SOX6: variants seen among roughly 807,000 people sequenced by gnomAD.
SOX6 encodes the protein SRY-box transcription factor 6.
In SOX6, 11 loss-of-function variants were observed where a neutral mutation model predicts 97.8. That is an observed-to-expected ratio of 0.11 (90% CI 0.07 to 0.19). The LOEUF is 0.19. Ranked by LOEUF, SOX6 falls within the 10% of genes least tolerant of loss-of-function variation. The pLI, the probability that SOX6 is intolerant of heterozygous loss-of-function variation, is 1.00. For missense variants in SOX6, 810 were observed against 1,039.5 expected, an observed-to-expected ratio of 0.78 and a Z score of 3.04; for synonymous variants, 360 against 371.4, an observed-to-expected ratio of 0.97 and a Z score of 0.35.
chr11:16,237,518 A>G (rs1412508089), intron 3 of SOX6, among the ~76,000 whole-genome samples: 1 of 152,026 alleles, frequency 6.6e-6, no homozygotes, highest in Non-Finnish European at 1.5e-5. Context: ...AGTATTACAG[A>G]GGCAATTGAT....
chr11:16,140,536 T>C (rs1479456657), intron 6 of SOX6, among the ~76,000 whole-genome samples: 1 of 152,200 alleles, frequency 6.6e-6, no homozygotes, highest in Admixed American at 6.5e-5. Context: ...ATCCATATCA[T>C]TGCATATTTA....
chr11:16,074,367 A>T (rs535934027), intron 9 of SOX6, among the ~76,000 whole-genome samples: 1 of 152,274 alleles, frequency 6.6e-6, no homozygotes, highest in South Asian at 2.1e-4. Flanking sequence ...TCCTAAAAAC[A>T]TACAACTGCC....
intron 4 of SOX6, among the ~76,000 whole-genome samples, chr11:16,219,556 A>G (rs1458499141): frequency 6.6e-6 from 1 of 152,110 alleles, no homozygotes; most frequent in Non-Finnish European, 1.5e-5. Flanking sequence ...TCCTCAGTGC[A>G]TTAAATATGC....
chr11:16,477,303 A>C (rs1860270746), upstream of SOX6, among the ~76,000 whole-genome samples: 1 of 152,168 alleles, frequency 6.6e-6, no homozygotes, highest in Non-Finnish European at 1.5e-5. Flanking sequence ...TAGCCAGCAA[A>C]TATCTAGGTT....
chr11:16,719,632 C>CT (rs1848244512), intron 2 of SOX6, among the ~76,000 whole-genome samples: 1 of 152,136 alleles, frequency 6.6e-6, no homozygotes, highest in Admixed American at 6.6e-5. Flanking sequence ...ACTTCAGAAA[C>CT]TTCACACCAG....
At chr11:16,487,194 T>C (rs1860449544) in intron 4 of SOX6, among the ~76,000 whole-genome samples, 2 of 152,302 alleles carry the variant, frequency 1.3e-5, no homozygotes, top group East Asian at 3.9e-4. Flanking sequence ...AATAAAATAA[T>C]GATTTTTTAA....
chr11:16,233,064 A>G (rs966955813), intron 4 of SOX6, among the ~76,000 whole-genome samples: 1 of 152,184 alleles, frequency 6.6e-6, no homozygotes, highest in Non-Finnish European at 1.5e-5. Context: ...TGAACATGAC[A>G]TGCCTGAAAA....
intron 3 of SOX6, among the ~76,000 whole-genome samples, chr11:16,281,828 TCA>T (rs1854572907): frequency 6.6e-6 from 1 of 151,616 alleles, no homozygotes; most frequent in Admixed American, 6.6e-5. Context: ...ATTCATATCT[TCA>T]GATTCCAAAA....
At chr11:16,483,605 C>A (rs1565159480) in intron 4 of SOX6, among the ~76,000 whole-genome samples, 2 of 152,098 alleles carry the variant, frequency 1.3e-5, no homozygotes, top group Admixed American at 1.3e-4. Flanking sequence ...CTGGACACAC[C>A]CTCGCTGGCC....
chr11:16,391,650 A>G (rs181854688), intron 1 of SOX6, among the ~76,000 whole-genome samples: 38 of 152,266 alleles, frequency 2.5e-4, no homozygotes, highest in African/African-American at 9.1e-4. Flanking sequence ...TCAGATTGGG[A>G]ATTAAACATT....
chr11:16,449,407 C>T (rs1382883703), intron 1 of SOX6, among the ~76,000 whole-genome samples: 5 of 150,084 alleles, frequency 3.3e-5, no homozygotes, highest in Non-Finnish European at 7.4e-5. Context: ...ATTCTCCTGC[C>T]TCCGCCTCCT....
chr11:16,712,476 T>C (rs1050013723), intron 3 of SOX6, among the ~76,000 whole-genome samples: 3 of 152,216 alleles, frequency 2.0e-5, no homozygotes, highest in South Asian at 4.1e-4. Context: ...ATTGTGGTTT[T>C]GACTTGCATT....
intron 1 of SOX6, among the ~76,000 whole-genome samples, chr11:16,425,641 T>A (rs1441815854): frequency 6.6e-6 from 1 of 152,168 alleles, no homozygotes; most frequent in Non-Finnish European, 1.5e-5. Context: ...AAAATCCATG[T>A]GCAAAAAACA....
At chr11:16,524,229 A>G (rs1861118617) in intron 4 of SOX6, among the ~76,000 whole-genome samples, 1 of 152,052 alleles carries the variant, frequency 6.6e-6, no homozygotes, top group Admixed American at 6.6e-5. Flanking sequence ...AAAATCCTCA[A>G]TAAAATACTG....
intron 3 of SOX6, among the ~76,000 whole-genome samples, chr11:16,250,759 TAGAATAAG>T (rs1853485493): frequency 6.6e-6 from 1 of 151,962 alleles, no homozygotes; most frequent in African/African-American, 2.4e-5. Flanking sequence ...GCTGCCTCAA[TAGAATAAG>T]AGAAAAATCA....
chr11:16,145,733 A>G (rs1296766826), intron 6 of SOX6, among the ~76,000 whole-genome samples: 3 of 152,198 alleles, frequency 2.0e-5, no homozygotes, highest in African/African-American at 7.2e-5. Flanking sequence ...CCAAATCATG[A>G]GTGAACTCCC....
chr11:16,675,426 C>T (rs113468448), intron 3 of SOX6, among the ~76,000 whole-genome samples: 1 of 152,330 alleles, frequency 6.6e-6, no homozygotes, highest in African/African-American at 2.4e-5. Context: ...GCTAAAAATA[C>T]AGTCATGAGC....
intron 1 of SOX6, among the ~76,000 whole-genome samples, chr11:16,348,661 C>T (rs1056104346): frequency 6.6e-6 from 1 of 152,054 alleles, no homozygotes; most frequent in Non-Finnish European, 1.5e-5. Context: ...TATATCACTG[C>T]CATTTGAACC....
At chr11:16,473,555 T>C (rs1329767433) in intron 1 of SOX6, among the ~76,000 whole-genome samples, 1 of 99,840 alleles carries the variant, frequency 1.0e-5, no homozygotes, top group African/African-American at 4.1e-5. Context: ...ACAATTCCTT[T>C]TTTTTTTTTT....
Sources: gnomAD v4.1 joint callset for allele counts (sites outside exome capture counted in the v4.1 genomes callset) on GRCh38, gnomAD v4.1.1 for gene constraint, MANE v1.5 for transcripts, NCBI Gene and HGNC (gene_info 2026-07-23, HGNC 2026-07-21) for gene names.